CCBE1: variants seen among roughly 807,000 people sequenced by gnomAD.
The protein encoded by CCBE1 is collagen and calcium-binding EGF domain-containing protein 1.
Under a neutral mutation model 50.0 loss-of-function variants are expected in CCBE1, and 37 were observed. That is an observed-to-expected ratio of 0.74 (90% confidence interval 0.57 to 0.97). CCBE1 has a LOEUF of 0.97. CCBE1 is among the 50% of genes least tolerant of loss of function. The probability of loss-of-function intolerance (pLI) is 0.00; values close to 1 mark genes in which losing one functional copy is unlikely to be tolerated. For missense variants in CCBE1, 538 were observed against 523.8 expected, an observed-to-expected ratio of 1.03 and a Z score of -0.26; for synonymous variants, 234 against 203.7, an observed-to-expected ratio of 1.15 and a Z score of -1.27.
At chr18:59,465,531 T>C (rs1442051085) in intron 5 of CCBE1, 2 of 152,210 alleles carry the variant, frequency 1.3e-5, no homozygotes. Flanking sequence ...GGCCCAGCTT[T>C]TAGAAATTTT....
intron 5 of CCBE1, among the ~76,000 whole-genome samples, chr18:59,458,900 T>C (rs550802306): frequency 6.6e-5 from 10 of 152,346 alleles, no homozygotes; most frequent in Admixed American, 4.6e-4. Flanking sequence ...GACGCAGAAG[T>C]ACACAGCATG....
rs554763402 is a variant in CCBE1 at position 59,450,778 on chromosome 18, G to A, written c.655-2675C>T. On this transcript the variant is annotated intron_variant, in intron 6 of 10. Coordinates refer to ENST00000439986, the MANE Select transcript of CCBE1 (RefSeq NM_133459.4). Reference sequence around the variant, plus strand: ...TGTATCTCTTGACCTCAAGTGATCCGCCCGCCTTGGCTTCCCAAAGTACTG... The same window carrying A: ...TGTATCTCTTGACCTCAAGTGATCCACCCGCCTTGGCTTCCCAAAGTACTG... Among the ~76,000 whole-genome samples, 11 of 152,276 alleles carry A rather than the reference G, an allele frequency of 7.2e-5. No homozygotes were observed. In the East Asian group the frequency reaches 9.6e-4, roughly 13 times the overall value.
intron 2 of CCBE1, chr18:59,568,586 T>A (rs1043457795): frequency 6.6e-6 from 1 of 152,206 alleles, no homozygotes; most frequent in African/African-American, 2.4e-5. Context: ...AGAAGATGGC[T>A]AAACTGAAGC....
intron 2 of CCBE1, among the ~76,000 whole-genome samples, chr18:59,594,556 T>C (rs2053322128): frequency 6.6e-6 from 1 of 152,216 alleles, no homozygotes; most frequent in African/African-American, 2.4e-5. Flanking sequence ...TGTATGTTTT[T>C]CTACAAAGTT....
chr18:59,572,085 AC>A (rs1260683789), intron 2 of CCBE1, among the ~76,000 whole-genome samples: 2 of 152,228 alleles, frequency 1.3e-5, no homozygotes, highest in African/African-American at 4.8e-5. Context: ...GGAGAAGAAA[AC>A]AAAAAATGAA....
chr18:59,640,250 AC>A (rs2053969200), intron 2 of CCBE1, among the ~76,000 whole-genome samples: 1 of 152,228 alleles, frequency 6.6e-6, no homozygotes, highest in African/African-American at 2.4e-5. Flanking sequence ...GGTTACAGCA[AC>A]CAAAACAGCA....
intron 2 of CCBE1, among the ~76,000 whole-genome samples, chr18:59,626,757 A>G (rs2053790802): frequency 6.6e-6 from 1 of 152,260 alleles, no homozygotes. Context: ...TGCCACCTCT[A>G]TGGGAATTTA....
intron 2 of CCBE1, among the ~76,000 whole-genome samples, chr18:59,668,418 AAATAATAAT>A (rs58896218): frequency 9.3e-5 from 14 of 150,316 alleles, no homozygotes; most frequent in Admixed American, 4.0e-4. Flanking sequence ...CTCCATCTCA[AAATAATAAT>A]AATAATAATA....
intron 6 of CCBE1, among the ~76,000 whole-genome samples, chr18:59,454,022 C>T (rs1027850560): frequency 4.6e-5 from 7 of 152,114 alleles, no homozygotes; most frequent in Non-Finnish European, 8.8e-5. Flanking sequence ...ACCCACAGGG[C>T]TGCTTTTCTA....
intron 2 of CCBE1, among the ~76,000 whole-genome samples, chr18:59,602,843 C>T (rs1303831958): frequency 1.3e-5 from 2 of 152,218 alleles, no homozygotes; most frequent in Non-Finnish European, 2.9e-5. Context: ...AAAGATGGCG[C>T]AGCCTAATGG....
chr18:59,472,878 A>G (rs776138904), intron 3 of CCBE1, among the ~76,000 whole-genome samples: 2 of 152,236 alleles, frequency 1.3e-5, no homozygotes, highest in Non-Finnish European at 2.9e-5. Context: ...GAGCAAAGTC[A>G]TGTCTTACAT....
intron 2 of CCBE1, among the ~76,000 whole-genome samples, chr18:59,541,253 G>A (rs201909052): frequency 1.3e-5 from 2 of 152,170 alleles, no homozygotes; most frequent in South Asian, 2.1e-4. Context: ...ATTCTATTCA[G>A]TACTCTAAGT....
intron 2 of CCBE1, among the ~76,000 whole-genome samples, chr18:59,583,107 A>G (rs1208205896): frequency 6.6e-6 from 1 of 152,198 alleles, no homozygotes; most frequent in African/African-American, 2.4e-5. Flanking sequence ...CCATGAGCTA[A>G]TGTGCTTGGC....
At chr18:59,513,327 A>C (rs371181846) in intron 2 of CCBE1, among the ~76,000 whole-genome samples, 44 of 151,614 alleles carry the variant, frequency 2.9e-4, no homozygotes, top group African/African-American at 1.0e-3. Context: ...AAAACAAAAA[A>C]ATTCAAGAAA....
chr18:59,638,724 A>G (rs1174703479), intron 2 of CCBE1, among the ~76,000 whole-genome samples: 1 of 152,258 alleles, frequency 6.6e-6, no homozygotes, highest in African/African-American at 2.4e-5. Flanking sequence ...ACACACACAT[A>G]GCCCAGATCT....
chr18:59,682,547 T>C (rs1322815773), intron 2 of CCBE1, among the ~76,000 whole-genome samples: 5 of 152,176 alleles, frequency 3.3e-5, no homozygotes, highest in Non-Finnish European at 7.3e-5. Flanking sequence ...AACTCTCCAG[T>C]GAACAGATGA....
chr18:59,680,503 G>T (rs995157210), intron 2 of CCBE1, among the ~76,000 whole-genome samples: 13 of 151,792 alleles, frequency 8.6e-5, no homozygotes. Context: ...TCAAGACCAT[G>T]CTGGCTAACA....
At chr18:59,540,023 C>G (rs890241435) in intron 2 of CCBE1, among the ~76,000 whole-genome samples, 5 of 152,150 alleles carry the variant, frequency 3.3e-5, no homozygotes, top group Non-Finnish European at 5.9e-5. Flanking sequence ...ATTTAGTTGA[C>G]TTGAAGATCA....
At chr18:59,494,255 A>C (rs922960941) in intron 2 of CCBE1, among the ~76,000 whole-genome samples, 2 of 152,216 alleles carry the variant, frequency 1.3e-5, no homozygotes, top group East Asian at 3.8e-4. Flanking sequence ...ACCCATCCTC[A>C]TTCACTACCA....
Sources: allele counts gnomAD v4.1 joint callset (sites outside exome capture counted in the v4.1 genomes callset), GRCh38; gene constraint gnomAD v4.1.1; transcripts MANE v1.5; gene names NCBI Gene and HGNC (gene_info 2026-07-23, HGNC 2026-07-21).